The following VEPH1 variants were observed in gnomAD, a reference collection of about 807,000 sequenced individuals.
VEPH1 encodes ventricular zone expressed PH domain containing 1.
VEPH1 carries 80 observed loss-of-function variants against 85.2 expected under a neutral mutation model. The observed-to-expected ratio is 0.94, with a 90% CI of 0.78 to 1.13. The LOEUF is 1.13. Ranked by LOEUF, VEPH1 falls within the 50% of genes most tolerant of loss-of-function variation. The probability of loss-of-function intolerance (pLI) is 0.00; values close to 1 mark genes in which losing one functional copy is unlikely to be tolerated. For missense variants in VEPH1, 955 were observed against 980.5 expected (o/e 0.97, Z 0.35); for synonymous variants, 297 against 348.0 (o/e 0.85, Z 1.63).
At chr3:157,401,767 T>A (rs922538084) in intron 6 of VEPH1, among the ~76,000 whole-genome samples, 4 of 152,040 alleles carry the variant, frequency 2.6e-5, no homozygotes, top group Admixed American at 2.6e-4. Context: ...CAACTGTGAT[T>A]CCTTGTGAAC....
At chr3:157,356,979 A>G (rs752301609) in intron 9 of VEPH1, among the ~76,000 whole-genome samples, 1 of 152,212 alleles carries the variant, frequency 6.6e-6, no homozygotes, top group Non-Finnish European at 1.5e-5. Flanking sequence ...CAAAAAAGAT[A>G]AAAGTACTGA....
chr3:157,461,729 GA>G (rs1307218449), intron 3 of VEPH1, among the ~76,000 whole-genome samples: 1 of 151,916 alleles, frequency 6.6e-6, no homozygotes, highest in East Asian at 1.9e-4. Context: ...TTTACATGGG[GA>G]AAAAACATAT....
chr3:157,461,749 C>G (rs1735894561), intron 3 of VEPH1, among the ~76,000 whole-genome samples: 1 of 152,076 alleles, frequency 6.6e-6, no homozygotes, highest in Non-Finnish European at 1.5e-5. Context: ...ATCCCCACCC[C>G]TATATCTGCC....
chr3:157,300,702 G>C (rs1016514924), intron 11 of VEPH1, among the ~76,000 whole-genome samples: 13 of 152,096 alleles, frequency 8.5e-5, no homozygotes, highest in Admixed American at 7.9e-4. Context: ...GAAAATAAAT[G>C]TTTCTTAATA....
At chr3:157,377,202 G>A (rs150104781) in intron 7 of VEPH1, among the ~76,000 whole-genome samples, 9 of 152,194 alleles carry the variant, frequency 5.9e-5, no homozygotes, top group African/African-American at 2.2e-4. Flanking sequence ...AATTGAGAGA[G>A]GTTGAGGTGG....
intron 9 of VEPH1, among the ~76,000 whole-genome samples, chr3:157,319,817 A>C (rs1039274468): frequency 2.6e-5 from 4 of 152,158 alleles, no homozygotes; most frequent in African/African-American, 9.6e-5. Flanking sequence ...TTTTATACAC[A>C]ACCCACAGGA....
chr3:157,294,267 A>G (rs1439997300), intron 11 of VEPH1, among the ~76,000 whole-genome samples: 1 of 152,058 alleles, frequency 6.6e-6, no homozygotes, highest in Admixed American at 6.6e-5. Context: ...TATCCCTAAT[A>G]CCACTTTAAT....
At chr3:157,380,574 G>C (rs1383417291) in intron 7 of VEPH1, among the ~76,000 whole-genome samples, 1 of 152,112 alleles carries the variant, frequency 6.6e-6, no homozygotes, top group Non-Finnish European at 1.5e-5. Context: ...TCACTACTTG[G>C]TTCAAAATAT....
intron 4 of VEPH1, among the ~76,000 whole-genome samples, chr3:157,435,187 C>T (rs1051375679): frequency 6.6e-6 from 1 of 151,864 alleles, no homozygotes; most frequent in African/African-American, 2.4e-5. Context: ...TTTAGAGCTT[C>T]AGTAGTTTTA....
At chr3:157,482,691 G>A (rs1738232490) in intron 2 of VEPH1, among the ~76,000 whole-genome samples, 1 of 152,156 alleles carries the variant, frequency 6.6e-6, no homozygotes, top group South Asian at 2.1e-4. Flanking sequence ...AGTTGTCCTT[G>A]TAGAGATTTT....
In VEPH1 at chr3:157,265,527, G is replaced by C. The variant is rs1446392601; in HGVS notation, c.2264C>G (p.Ser755Cys). 6.2e-7 allele frequency: 1 copy of C among 1,612,210 alleles called. No individual in the cohort carries two copies. ...GNQLLFQKGK[S>C]KDDPDDCPIE... ...GTAAAAGATGATGGAGGAACTTACA[G>C]ACTTTCCTTTTTGAAACAGAAGTTG... The change falls in exon 13 of 14, where the codon TCT becomes TGT. Residue 755 changes from serine to cysteine, a missense_variant and splice_region_variant. Physicochemically the swap from Ser to Cys is moderately radical, Grantham distance 112. Coordinates refer to ENST00000362010, the MANE Select transcript of VEPH1 (RefSeq NM_001167912.2).
intron 4 of VEPH1, among the ~76,000 whole-genome samples, chr3:157,441,809 C>CA (rs34525960): frequency 0.29 from 36,081 of 125,134 alleles, 4,518 homozygotes; most frequent in African/African-American, 0.34. Context: ...GACTCTGTCT[C>CA]AAAAAAAAAA....
chr3:157,408,220 C>T (rs1412312738), intron 6 of VEPH1, among the ~76,000 whole-genome samples: 7 of 152,142 alleles, frequency 4.6e-5, no homozygotes, highest in African/African-American at 1.4e-4. Context: ...CACCTCCTAG[C>T]AGCCATTATG....
At chr3:157,395,689 T>G (rs1021633387) in intron 6 of VEPH1, among the ~76,000 whole-genome samples, 1 of 152,208 alleles carries the variant, frequency 6.6e-6, no homozygotes, top group African/African-American at 2.4e-5. Flanking sequence ...TCCCAAAAAT[T>G]TCTTTGTCAC....
intron 9 of VEPH1, among the ~76,000 whole-genome samples, chr3:157,318,736 C>T (rs1721064210): frequency 6.6e-6 from 1 of 151,628 alleles, no homozygotes; most frequent in African/African-American, 2.4e-5. Flanking sequence ...TGGAAATGGA[C>T]TAGAGTTAGT....
chr3:157,261,112 G>A lies in VEPH1; in HGVS notation c.*22C>T. 6.3e-7 allele frequency: 1 copy of A among 1,599,316 alleles called. No individual in the cohort carries two copies. The highest frequency in any genetic ancestry group is 1.1e-5 in the South Asian group (1 of 90,446). On this transcript the variant is annotated 3_prime_UTR_variant, in exon 14 of 14. Transcript: ENST00000362010. ...AATACAATGCCTGTGGTGTATAATT[G>A]TCATGGCTGACTTATAAATCCCTAC...
chr3:157,490,423 GA>G (rs140223345), intron 2 of VEPH1, among the ~76,000 whole-genome samples: 108 of 144,132 alleles, frequency 7.5e-4, no homozygotes, highest in African/African-American at 2.3e-3. Flanking sequence ...AAAGAAAAAA[GA>G]AAAAAAAAAC....
chr3:157,487,090 T>G (rs2109672262), intron 2 of VEPH1, among the ~76,000 whole-genome samples: 1 of 151,890 alleles, frequency 6.6e-6, no homozygotes, highest in South Asian at 2.1e-4. Flanking sequence ...AATAACCTAA[T>G]TATACAATTG....
chr3:157,442,511 C>T, intron 4 of VEPH1: 1 of 1,614,160 alleles, frequency 6.2e-7, no homozygotes, highest in Non-Finnish European at 8.5e-7. Flanking sequence ...TCCTGTTTTC[C>T]TATGGCACAA....
Sources: gnomAD v4.1 joint callset for allele counts (sites outside exome capture counted in the v4.1 genomes callset) on GRCh38, gnomAD v4.1.1 for gene constraint, MANE v1.5 for transcripts, NCBI Gene and HGNC (gene_info 2026-07-23, HGNC 2026-07-21) for gene names.